TNFRSF1B: variants seen among roughly 807,000 people sequenced by gnomAD.
The protein encoded by TNFRSF1B is TNF receptor superfamily member 1B.
In TNFRSF1B, 19 loss-of-function variants were observed where a neutral mutation model predicts 44.6. That is an observed-to-expected ratio of 0.43 (90% confidence interval 0.30 to 0.62). The LOEUF (loss-of-function observed/expected upper bound fraction) is 0.62. Ranked by LOEUF, TNFRSF1B falls within the 20% of genes least tolerant of loss-of-function variation. TNFRSF1B has a pLI of 0.16. For missense variants in TNFRSF1B, 541 were observed against 619.9 expected (o/e 0.87, Z 1.35); for synonymous variants, 252 against 261.1 (o/e 0.97, Z 0.34).
intron 5 of TNFRSF1B, 74 bp downstream of exon 5, chr1:12,192,598 A>C: frequency 7.0e-7 from 1 of 1,418,606 alleles, no homozygotes; most frequent in South Asian, 1.2e-5. Context: ...TCCAGGACAC[A>C]GAGCAGCTCA....
rs950412944 is a variant in TNFRSF1B at position 12,199,337 on chromosome 1, C to A, written c.901-2630C>A. 2.6e-5 allele frequency among the ~76,000 whole-genome samples: 4 copies of A among 152,360 alleles called. No individual in the cohort carries two copies. In the East Asian group the frequency reaches 7.7e-4, roughly 29 times the overall value. ...CACCTGGGCGGAGGTTCAGCATGAA[C>A]TTGCAATGCCCTCCATCTCTCCAAA... On this transcript the variant is annotated intron_variant, in intron 8 of 9. Coordinates refer to ENST00000376259, the MANE Select transcript of TNFRSF1B (RefSeq NM_001066.3). This position sits in a 1 kb window ranked among gnomAD's most constrained non-coding sequence, Gnocchi z 4.0.
intron 1 of TNFRSF1B, among the ~76,000 whole-genome samples, chr1:12,182,536 A>T (rs1231468267): frequency 6.6e-6 from 1 of 152,138 alleles, no homozygotes; most frequent in Non-Finnish European, 1.5e-5. Flanking sequence ...CCCAGCACCT[A>T]CAACACTGGG....
chr1:12,189,720 C>T lies in TNFRSF1B; in HGVS notation c.178+825C>T, dbSNP rs147261707. Among the ~76,000 whole-genome samples the T allele has an allele frequency of 1.2e-4, 19 of 152,312 alleles. No individual in the cohort carries two copies. The East Asian group carries it at 3.7e-3, about 29-fold the overall frequency. ...TACATTAGGAGATGTGTGGTCCTGTCTATCTGTAAGTGCTGTAGAAAGACA... is the reference window on the plus strand; with the variant it reads ...TACATTAGGAGATGTGTGGTCCTGTTTATCTGTAAGTGCTGTAGAAAGACA... On this transcript the variant is annotated intron_variant, in intron 2 of 9. Coordinates refer to ENST00000376259, the MANE Select transcript of TNFRSF1B (RefSeq NM_001066.3).
chr1:12,179,293 G>A (rs1638736176), intron 1 of TNFRSF1B, among the ~76,000 whole-genome samples: 2 of 152,178 alleles, frequency 1.3e-5, no homozygotes. Context: ...TCTCCGTGAC[G>A]GCAGACGGGC....
rs1324605742 is a variant in TNFRSF1B, at chr1:12,208,379, CT to C, written c.*1362del. 6.5e-6 allele frequency: 1 copy of C among 152,828 alleles called. No individual in the cohort carries two copies. Among genetic ancestry groups the C allele is most frequent in the East Asian group, 1.9e-4 (1 of 5,204 alleles). The allele number at this position is 152,828 out of a possible 1,614,324, so 9.5% of individuals were successfully genotyped here. On this transcript the variant is annotated 3_prime_UTR_variant, in exon 10 of 10. Coordinates refer to ENST00000376259, the MANE Select transcript of TNFRSF1B (RefSeq NM_001066.3). The stretch of plus-strand genomic sequence containing the variant: ...GGGCCCCAAACGGGCTGCCCTGCCA[CT>C]TTGGTACATGGCCAGTGTGATCCCA...
chr1:12,191,333 G>T (rs575676951), intron 3 of TNFRSF1B, among the ~76,000 whole-genome samples: 73 of 152,390 alleles, frequency 4.8e-4, no homozygotes, highest in Non-Finnish European at 9.3e-4. Context: ...GTGGTGCGTG[G>T]GAGAGTGGTG....
intron 7 of TNFRSF1B, 113 bp from the exon 8 acceptor site, chr1:12,194,471 C>T (rs1001808368): frequency 2.7e-6 from 3 of 1,106,032 alleles, no homozygotes; most frequent in Admixed American, 2.0e-5. Context: ...GCGATTGGTC[C>T]CCACAGGGCT....
At chr1:12,167,271 C>T in intron 1 of TNFRSF1B, 102 bp downstream of exon 1, 1 of 941,678 alleles carries the variant, frequency 1.1e-6, no homozygotes, top group Non-Finnish European at 1.4e-6. Context: ...GGGGCGCTGT[C>T]ACGGGCTGGG....
In TNFRSF1B at chr1:12,169,574, C is replaced by A. The variant is rs928215602; in HGVS notation, c.78+2405C>A. On this transcript the variant is annotated intron_variant, in intron 1 of 9. Transcript: ENST00000376259. The surrounding 1 kb of genome is among the most constrained non-coding windows in gnomAD (Gnocchi z 4.5). ...ACTCATGCTCCCAGCCAGGCCCTCACACACAGTGGGTTCTCAGGATGGAAG... is the reference window on the plus strand; with the variant it reads ...ACTCATGCTCCCAGCCAGGCCCTCAAACACAGTGGGTTCTCAGGATGGAAG... 6.6e-6 allele frequency among the ~76,000 whole-genome samples: 1 copy of A among 152,238 alleles called. No individual in the cohort carries two copies. Among genetic ancestry groups the A allele is most frequent in the African/African-American group, 2.4e-5 (1 of 41,464 alleles).
chr1:12,170,816 A>G (rs1570120170), intron 1 of TNFRSF1B, among the ~76,000 whole-genome samples: 1 of 149,304 alleles, frequency 6.7e-6, no homozygotes, highest in Admixed American at 6.7e-5. Context: ...ACAGGCATGC[A>G]CCACCATGCC....
chr1:12,179,767 G>A (rs1028702722), intron 1 of TNFRSF1B, among the ~76,000 whole-genome samples: 8 of 152,204 alleles, frequency 5.3e-5, no homozygotes, highest in African/African-American at 1.9e-4. Flanking sequence ...CTCACTGGCT[G>A]CATGACCTTG....
At chr1:12,200,476 C>G (rs1639361983) in intron 8 of TNFRSF1B, among the ~76,000 whole-genome samples, 1 of 152,062 alleles carries the variant, frequency 6.6e-6, no homozygotes, top group Non-Finnish European at 1.5e-5. Flanking sequence ...ACTGTATGGT[C>G]TCAGTGACAG....
intron 1 of TNFRSF1B, among the ~76,000 whole-genome samples, chr1:12,182,935 G>A (rs2101091177): frequency 6.6e-6 from 1 of 152,308 alleles, no homozygotes; most frequent in African/African-American, 2.4e-5. Context: ...GTGTGGAGGG[G>A]GAAGGGAAGC....
rs13306715 is a variant in TNFRSF1B at position 12,206,625 on chromosome 1, C to T, written c.1106-115C>T. 2.9e-3 allele frequency: 3,383 copies of T among 1,185,508 alleles called. 76 individuals are homozygous for T. The African/African-American group carries it at 0.042, about 15-fold the overall frequency. The allele number at this position is 1,185,508 out of a possible 1,614,324, so 73.4% of individuals were successfully genotyped here. A position where few individuals can be genotyped will look rare whatever the true frequency, so the allele number is the denominator to read the frequency against. ...CAGAGCTGGGCTAGAATCTTGGTCT[C>T]GGCTCCTGGCCCAGTGCTCTTTCCC... On this transcript the variant is annotated intron_variant, in intron 9 of 9. Coordinates refer to ENST00000376259, the MANE Select transcript of TNFRSF1B (RefSeq NM_001066.3).
chr1:12,196,592 T>G (rs935320463), intron 8 of TNFRSF1B, among the ~76,000 whole-genome samples: 1 of 152,196 alleles, frequency 6.6e-6, no homozygotes, highest in African/African-American at 2.4e-5. Flanking sequence ...TCCCCTGATT[T>G]TGGTGACAAG....
Position 12,191,832 on chromosome 1 carries a change from C to T in TNFRSF1B, c.366C>T (p.Pro122=), listed in dbSNP as rs1376416861. The T allele has an allele frequency of 3.1e-6, 5 of 1,613,150 alleles. No homozygotes were observed. The highest frequency in any genetic ancestry group is 1.7e-5 in the Admixed American group (1 of 60,002). Residue 122 remains proline (P), a synonymous_variant, in exon 4 of 10, where the codon CCC becomes CCT. Coordinates refer to ENST00000376259, the MANE Select transcript of TNFRSF1B (RefSeq NM_001066.3). ...REQNRICTCR[P]GWYCALSKQE... is the part of the protein sequence containing the mutation. Reference sequence around the variant, plus strand: ...AGAACCGCATCTGCACCTGCAGGCCCGGCTGGTACTGCGCGCTGAGCAAGC... The same window carrying T: ...AGAACCGCATCTGCACCTGCAGGCCTGGCTGGTACTGCGCGCTGAGCAAGC...
chr1:12,191,983 T>G (rs1266110963), intron 4 of TNFRSF1B, 60 bp downstream of exon 4: 22 of 1,566,748 alleles, frequency 1.4e-5, no homozygotes, highest in Non-Finnish European at 1.9e-5. Context: ...GTAGACATCC[T>G]TGCAGTGTCA....
In TNFRSF1B at chr1:12,168,371, T is replaced by C. The variant is rs1042313027; in HGVS notation, c.78+1202T>C. Among the ~76,000 whole-genome samples the C allele has an allele frequency of 3.1e-4, 47 of 152,158 alleles. No individual in the cohort carries two copies. Among genetic ancestry groups the C allele is most frequent in the East Asian group, 1.5e-3 (8 of 5,190 alleles). On this transcript the variant is annotated intron_variant, in intron 1 of 9. Coordinates refer to ENST00000376259, the MANE Select transcript of TNFRSF1B (RefSeq NM_001066.3). This position sits in a 1 kb window ranked among gnomAD's most constrained non-coding sequence, Gnocchi z 4.7. ...GAAGATGGGGGCTGTCAGACTAGAA[T>C]TGACTCACCGACAGTGGGTGTCAGG...
chr1:12,193,437 T>G (rs573248845), intron 6 of TNFRSF1B, among the ~76,000 whole-genome samples: 6 of 152,182 alleles, frequency 3.9e-5, no homozygotes, highest in African/African-American at 1.4e-4. Context: ...ATTATTTGGG[T>G]GGGATGGTGC....
Sources: allele counts gnomAD v4.1 joint callset (sites outside exome capture counted in the v4.1 genomes callset), GRCh38; gene constraint gnomAD v4.1.1; non-coding constraint Gnocchi (gnomAD v3.1); transcripts MANE v1.5; gene names NCBI Gene and HGNC (gene_info 2026-07-23, HGNC 2026-07-21).